The following ARHGAP28 variants were observed in gnomAD, a reference collection of about 807,000 sequenced individuals.
The protein encoded by ARHGAP28 is Rho GTPase activating protein 28, also known as rho GTPase-activating protein 28.
ARHGAP28 carries 56 observed loss-of-function variants against 90.7 expected under a neutral mutation model. The observed-to-expected ratio is 0.62, with a 90% CI of 0.50 to 0.77. The LOEUF (loss-of-function observed/expected upper bound fraction) is 0.77, where lower values mean the gene tolerates loss of function less well. Among genes scored for constraint, ARHGAP28 ranks in the 30% least tolerant of loss-of-function variants. The probability of loss-of-function intolerance (pLI) is 0.00; values close to 1 mark genes in which losing one functional copy is unlikely to be tolerated. For synonymous variants in ARHGAP28, 308 were observed against 323.3 expected, an observed-to-expected ratio of 0.95 and a Z score of 0.51; for missense variants, 869 against 900.9, an observed-to-expected ratio of 0.96 and a Z score of 0.45.
intron 9 of ARHGAP28, among the ~76,000 whole-genome samples, chr18:6,874,088 A>AT (rs1235525457): frequency 6.6e-6 from 1 of 152,142 alleles, no homozygotes; most frequent in African/African-American, 2.4e-5. Context: ...TTCAAATGTT[A>AT]TTTGCGCATA....
intron 14 of ARHGAP28, among the ~76,000 whole-genome samples, chr18:6,892,103 A>G (rs1206384558): frequency 6.6e-6 from 1 of 152,054 alleles, no homozygotes; most frequent in Admixed American, 6.5e-5. Context: ...TGAAATTTTA[A>G]AAAATTTGTT....
At chr18:6,804,779 A>AT (rs2056506369) in intron 1 of ARHGAP28, among the ~76,000 whole-genome samples, 1 of 152,216 alleles carries the variant, frequency 6.6e-6, no homozygotes, top group African/African-American at 2.4e-5. Context: ...TATTTCAATG[A>AT]TTTGGATCCT....
rs2057410939 is a variant in ARHGAP28, at chr18:6,913,758, A to T, written c.*1604A>T. ...AATTTTTTTTTTTGCCTGAAAACCC[A>T]TTAAAAGAAAACGTGCCTTCTGTAT... On this transcript the variant is annotated 3_prime_UTR_variant, in exon 18 of 18. Coordinates refer to ENST00000383472, the MANE Select transcript of ARHGAP28 (RefSeq NM_001366230.1). 1.3e-5 allele frequency: 2 copies of T among 151,316 alleles called. No individual in the cohort carries two copies. Among genetic ancestry groups the T allele is most frequent in the South Asian group, 4.1e-4 (2 of 4,822 alleles). 9.4% of individuals were successfully genotyped at this position (151,316 alleles called of 1,614,324 possible).
chr18:6,795,487 G>A (rs1264027484), intron 1 of ARHGAP28, among the ~76,000 whole-genome samples: 1 of 152,170 alleles, frequency 6.6e-6, no homozygotes. Flanking sequence ...CCAGGGATTG[G>A]CAAACTTTTT....
chr18:6,820,310 T>G (rs138835824), intron 1 of ARHGAP28, among the ~76,000 whole-genome samples: 3 of 152,286 alleles, frequency 2.0e-5, no homozygotes, highest in African/African-American at 7.2e-5. Context: ...CTAAGCTGAC[T>G]GAACACAGTA....
In ARHGAP28 at chr18:6,876,148, G is replaced by A; in HGVS notation, c.1230G>A (p.Glu410=). The stretch of plus-strand genomic sequence containing the variant: ...CTTTCTAGTTTTTTGAGAAAGTTGA[G>A]GAATCAGGTCTGGAATCTGAAGGAA... ...LVLQKFFEKV[E]ESGLESEGIF... Residue 410 remains glutamate, a synonymous_variant, in exon 10 of 18, where the codon GAG becomes GAA. Transcript: ENST00000383472. 2 of 1,613,862 alleles carry A rather than the reference G, an allele frequency of 1.2e-6. No homozygotes were observed. The highest frequency in any genetic ancestry group is 2.2e-5 in the South Asian group (2 of 91,070).
chr18:6,784,414 C>G (rs1567946430), intron 1 of ARHGAP28, among the ~76,000 whole-genome samples: 1 of 152,140 alleles, frequency 6.6e-6, no homozygotes, highest in African/African-American at 2.4e-5. Flanking sequence ...TGAATGTAAT[C>G]GCTTTCATTT....
At chr18:6,862,385 A>G (rs13381482) in intron 5 of ARHGAP28, among the ~76,000 whole-genome samples, 4,226 of 152,244 alleles carry the variant, frequency 0.028, 199 homozygotes, top group African/African-American at 0.097. Flanking sequence ...GGCCCCGACA[A>G]CTTGCCCTAC....
intron 10 of ARHGAP28, among the ~76,000 whole-genome samples, chr18:6,878,351 G>C (rs868102951): frequency 7.2e-5 from 9 of 125,628 alleles, no homozygotes; most frequent in Middle Eastern, 4.9e-3. Flanking sequence ...GTTGTGGGGT[G>C]GGGGGAGGGG....
chr18:6,866,699 A>G (rs2057040640), intron 5 of ARHGAP28, among the ~76,000 whole-genome samples: 1 of 152,210 alleles, frequency 6.6e-6, no homozygotes, highest in African/African-American at 2.4e-5. Flanking sequence ...GCTTCCCCCA[A>G]GAAAGTCCCA....
intron 5 of ARHGAP28, among the ~76,000 whole-genome samples, chr18:6,862,054 G>T (rs981723891): frequency 6.6e-6 from 1 of 152,126 alleles, no homozygotes; most frequent in Non-Finnish European, 1.5e-5. Context: ...ACTGGCCTTC[G>T]ACTTGACTTA....
At chr18:6,886,243 C>A (rs953289302) in intron 11 of ARHGAP28, among the ~76,000 whole-genome samples, 4 of 152,144 alleles carry the variant, frequency 2.6e-5, no homozygotes, top group Non-Finnish European at 4.4e-5. Flanking sequence ...CTTGAGAACT[C>A]CCCAGAGATT....
intron 7 of ARHGAP28, among the ~76,000 whole-genome samples, chr18:6,871,165 T>C (rs1600269527): frequency 6.6e-6 from 1 of 152,322 alleles, no homozygotes; most frequent in South Asian, 2.1e-4. Flanking sequence ...ATCACACTGC[T>C]CACACTACCA....
At chr18:6,736,331 T>G (rs1372512615) in intron 1 of ARHGAP28, among the ~76,000 whole-genome samples, 1 of 151,926 alleles carries the variant, frequency 6.6e-6, no homozygotes, top group East Asian at 1.9e-4. Flanking sequence ...TGACACAAAG[T>G]ATAAAAAATG....
intron 4 of ARHGAP28, among the ~76,000 whole-genome samples, chr18:6,852,423 C>T (rs2056917839): frequency 6.6e-6 from 1 of 152,194 alleles, no homozygotes; most frequent in Non-Finnish European, 1.5e-5. Context: ...AACCAAATAG[C>T]TATACTTGCT....
intron 1 of ARHGAP28, among the ~76,000 whole-genome samples, chr18:6,803,262 C>T (rs1282738211): frequency 6.6e-6 from 1 of 152,030 alleles, no homozygotes; most frequent in Admixed American, 6.6e-5. Context: ...CCCTTCTATT[C>T]CTAATTTGCT....
At chr18:6,850,793 G>A in intron 3 of ARHGAP28, 1 of 1,515,946 alleles carries the variant, frequency 6.6e-7, no homozygotes, top group Non-Finnish European at 8.8e-7. Flanking sequence ...GGTTTTGGCA[G>A]GAAGCTAGCA....
chr18:6,903,900 A>T (rs2057351276), intron 16 of ARHGAP28, among the ~76,000 whole-genome samples: 2 of 151,776 alleles, frequency 1.3e-5, no homozygotes, highest in Admixed American at 6.6e-5. Context: ...CAACAAATTT[A>T]AAATAATTGA....
At chr18:6,750,920 A>G (rs1342166904) in intron 1 of ARHGAP28, among the ~76,000 whole-genome samples, 1 of 152,142 alleles carries the variant, frequency 6.6e-6, no homozygotes, top group Admixed American at 6.5e-5. Context: ...ATCTGGGTCT[A>G]GATTATTTCC....
Sources: allele counts gnomAD v4.1 joint callset (sites outside exome capture counted in the v4.1 genomes callset), GRCh38; gene constraint gnomAD v4.1.1; transcripts MANE v1.5; gene names NCBI Gene and HGNC (gene_info 2026-07-23, HGNC 2026-07-21).